The following STXBP4 variants were observed in gnomAD, a reference collection of about 807,000 sequenced individuals.
STXBP4 encodes syntaxin binding protein 4.
In STXBP4, 55 loss-of-function variants were observed where a neutral mutation model predicts 76.1. The ratio of observed to expected loss-of-function variants is 0.72; its 90% confidence interval spans 0.58 to 0.91. STXBP4 has a LOEUF of 0.91. Ranked by LOEUF, STXBP4 falls within the 40% of genes least tolerant of loss-of-function variation. The probability of loss-of-function intolerance (pLI) is 0.00; values close to 1 mark genes in which losing one functional copy is unlikely to be tolerated. For missense variants in STXBP4, 618 were observed against 636.9 expected, an observed-to-expected ratio of 0.97 and a Z score of 0.32; for synonymous variants, 201 against 220.2, an observed-to-expected ratio of 0.91 and a Z score of 0.77.
intron 11 of STXBP4, chr17:55,043,754 T>A: frequency 9.6e-7 from 1 of 1,038,852 alleles, no homozygotes; most frequent in Non-Finnish European, 1.4e-6. Context: ...AATTTGGAAT[T>A]AATATTATTT....
chr17:54,970,766 G>T (rs1228819335), intron 1 of STXBP4, among the ~76,000 whole-genome samples: 1 of 152,118 alleles, frequency 6.6e-6, no homozygotes, highest in Non-Finnish European at 1.5e-5. Flanking sequence ...ATAAATATAT[G>T]TCAGTATACA....
chr17:54,977,476 G>C (rs1050718321), intron 1 of STXBP4, among the ~76,000 whole-genome samples: 13 of 152,168 alleles, frequency 8.5e-5, no homozygotes, highest in African/African-American at 3.1e-4. Context: ...GAGAGGATAT[G>C]CATAGGTTAT....
chr17:55,075,744 G>T (rs377084537), intron 13 of STXBP4, among the ~76,000 whole-genome samples: 1 of 152,056 alleles, frequency 6.6e-6, no homozygotes, highest in Non-Finnish European at 1.5e-5. Context: ...AGTTTAATTT[G>T]AATTTCCCTG....
At chr17:55,211,566 T>TAAG in the STXBP4 span, among the ~76,000 whole-genome samples, 1 of 152,192 alleles carries the variant, frequency 6.6e-6, no homozygotes, top group Non-Finnish European at 1.5e-5. Context: ...TATTTCCCTA[T>TAAG]TGTTTTTTGC....
intron 16 of STXBP4, among the ~76,000 whole-genome samples, chr17:55,121,558 C>T (rs138971092): frequency 6.6e-6 from 1 of 152,268 alleles, no homozygotes; most frequent in Non-Finnish European, 1.5e-5. Flanking sequence ...TTCAACAAAC[C>T]TGGTAACCTT....
At chr17:55,150,083 A>G (rs12953288) in intron 17 of STXBP4, among the ~76,000 whole-genome samples, 37,003 of 152,116 alleles carry the variant, frequency 0.24, 4,990 homozygotes, top group South Asian at 0.32. Flanking sequence ...TGAAAGGTGT[A>G]TAATTGTCTT....
At chr17:55,101,749 G>A (rs2079568796) in intron 16 of STXBP4, among the ~76,000 whole-genome samples, 1 of 152,150 alleles carries the variant, frequency 6.6e-6, no homozygotes, top group Non-Finnish European at 1.5e-5. Context: ...AACTGCTTTT[G>A]TAAATAAAAG....
chr17:55,084,104 A>G (rs1393310366), intron 16 of STXBP4, among the ~76,000 whole-genome samples: 2 of 152,084 alleles, frequency 1.3e-5, no homozygotes, highest in African/African-American at 4.8e-5. Flanking sequence ...CCAACAGTGT[A>G]AAAGTGTTCC....
rs972045963 is a variant in STXBP4, at chr17:55,173,332, C to T, written c.*13421C>T. On this transcript the variant is annotated 3_prime_UTR_variant, in exon 18 of 18. Transcript: ENST00000376352. ...TCCTGCTATGCTTTTATAACACACC[C>T]TTCCCCACCCCAACTCCTGGCAATT... 1 of 152,174 alleles carries T rather than the reference C, an allele frequency of 6.6e-6. No homozygotes were observed. Among genetic ancestry groups the T allele is most frequent in the Non-Finnish European group, 1.5e-5 (1 of 68,018 alleles). The allele number at this position is 152,174 out of a possible 1,614,324, so 9.4% of individuals were successfully genotyped here. A position where few individuals can be genotyped will look rare whatever the true frequency, so the allele number is the denominator to read the frequency against.
At chr17:55,149,416 A>G (rs2080191059) in intron 17 of STXBP4, among the ~76,000 whole-genome samples, 1 of 152,200 alleles carries the variant, frequency 6.6e-6, no homozygotes, top group East Asian at 1.9e-4. Flanking sequence ...GGTAGTGGTA[A>G]GTTATTTCAA....
chr17:55,139,425 T>G (rs948755310), intron 16 of STXBP4, among the ~76,000 whole-genome samples: 4 of 152,180 alleles, frequency 2.6e-5, no homozygotes, highest in Non-Finnish European at 4.4e-5. Context: ...TACTTAACTT[T>G]TAGCTGCCTT....
intron 16 of STXBP4, among the ~76,000 whole-genome samples, chr17:55,137,011 T>C (rs1261650786): frequency 6.6e-6 from 1 of 152,092 alleles, no homozygotes; most frequent in Non-Finnish European, 1.5e-5. Context: ...AATAAGGGTA[T>C]CATGCTAACC....
downstream of STXBP4, among the ~76,000 whole-genome samples, chr17:55,176,097 A>T (rs146223488): frequency 6.6e-6 from 1 of 152,266 alleles, no homozygotes; most frequent in East Asian, 1.9e-4. Flanking sequence ...TCATTTTTTG[A>T]TGGGTAATTA....
intron 10 of STXBP4, among the ~76,000 whole-genome samples, chr17:55,037,208 GT>G (rs1421214791): frequency 6.6e-6 from 1 of 152,110 alleles, no homozygotes; most frequent in Non-Finnish European, 1.5e-5. Flanking sequence ...TTCAGGTGTT[GT>G]GTATTAATCT....
intron 16 of STXBP4, among the ~76,000 whole-genome samples, chr17:55,112,772 A>G (rs2079734893): frequency 6.6e-6 from 1 of 152,100 alleles, no homozygotes; most frequent in Non-Finnish European, 1.5e-5. Flanking sequence ...GTGGGAGGAG[A>G]ACTCATTTGG....
At chr17:55,176,909 G>A (rs2080433258), downstream of STXBP4, among the ~76,000 whole-genome samples, 2 of 151,890 alleles carry the variant, frequency 1.3e-5, no homozygotes, top group Admixed American at 1.3e-4. Context: ...GACTCAGATT[G>A]GGCCTTCCAC....
intron 16 of STXBP4, among the ~76,000 whole-genome samples, chr17:55,092,966 TTTTTTTGTTTTTTGTTTTTTGTTTG>T (rs2079436091): frequency 6.6e-6 from 1 of 151,242 alleles, no homozygotes; most frequent in African/African-American, 2.4e-5. Flanking sequence ...AAAAAAACAT[TTTTTTTGTTTTTTGTTTTTTGTTTG>T]TTTTTTGTTT....
intron 12 of STXBP4, among the ~76,000 whole-genome samples, chr17:55,051,996 A>G (rs1388815448): frequency 6.6e-6 from 1 of 152,114 alleles, no homozygotes; most frequent in Admixed American, 6.6e-5. Context: ...CAGTAAGCCT[A>G]TTATAAAGTC....
At chr17:55,080,064 C>T (rs1320513582) in intron 15 of STXBP4, among the ~76,000 whole-genome samples, 1 of 151,988 alleles carries the variant, frequency 6.6e-6, no homozygotes, top group Non-Finnish European at 1.5e-5. Context: ...AGTGTGTCAC[C>T]CACCCTCAGC....
Sources: gnomAD v4.1 joint callset for allele counts (sites outside exome capture counted in the v4.1 genomes callset) on GRCh38, gnomAD v4.1.1 for gene constraint, MANE v1.5 for transcripts, NCBI Gene and HGNC (gene_info 2026-07-23, HGNC 2026-07-21) for gene names.